The following NAALAD2 variants were observed in gnomAD, a reference collection of about 807,000 sequenced individuals.
NAALAD2 encodes the protein N-acetylated alpha-linked acidic dipeptidase 2, also known as N-acetylated-alpha-linked acidic dipeptidase 2.
In NAALAD2, 89 loss-of-function variants were observed where a neutral mutation model predicts 95.6. The ratio of observed to expected loss-of-function variants is 0.93; its 90% CI spans 0.78 to 1.11. NAALAD2 has a LOEUF of 1.11. Ranked by LOEUF, NAALAD2 falls within the 50% of genes least tolerant of loss-of-function variation. NAALAD2 has a pLI of 0.00. For missense variants in NAALAD2, 894 were observed against 872.4 expected (o/e 1.02, Z -0.31); for synonymous variants, 264 against 294.4 (o/e 0.90, Z 1.06).
intron 2 of NAALAD2, among the ~76,000 whole-genome samples, chr11:90,146,101 T>C (rs1951743698): frequency 6.6e-6 from 1 of 152,084 alleles, no homozygotes; most frequent in African/African-American, 2.4e-5. Context: ...TATGAGTAGA[T>C]TATTCAGTCA....
Position 90,152,230 on chromosome 11 carries a change from G to T in NAALAD2, c.610-68G>T, listed in dbSNP as rs540295863. On this transcript the variant is annotated intron_variant, in intron 5 of 18. Transcript: ENST00000534061. ...AATATCCTTCCATTATTAAATTAAT[G>T]TCTTTCTTATATGAATAAGCCAACC... The T allele has an allele frequency of 2.2e-6, 3 of 1,363,594 alleles. No homozygotes were observed. The Admixed American group carries it at 6.4e-5, about 29-fold the overall frequency. The allele number at this position is 1,363,594 out of a possible 1,614,324, so 84.5% of individuals were successfully genotyped here.
rs1591025543 is a variant in NAALAD2 at position 90,181,765 on chromosome 11, CTG to C, written c.1940+66_1940+67del. ...AAAGCAATCTGGTTACTAGAATGAA[CTG>C]TTTCACTCATATTAGCATTAACCTC... On this transcript the variant is annotated intron_variant, in intron 17 of 18. Coordinates refer to ENST00000534061, the MANE Select transcript of NAALAD2 (RefSeq NM_005467.4). 13 of 1,037,650 alleles carry C rather than the reference CTG, an allele frequency of 1.3e-5. 1 individual carries two copies. In the East Asian group the frequency reaches 3.2e-4, roughly 25 times the overall value. The allele number at this position is 1,037,650 out of a possible 1,614,324, so 64.3% of individuals were successfully genotyped here.
Position 90,185,493 on chromosome 11 carries a change from AGAC to A in NAALAD2, c.2033+2486_2033+2488del, listed in dbSNP as rs1857109601. On this transcript the variant is annotated intron_variant, in intron 18 of 18. Coordinates refer to ENST00000534061, the MANE Select transcript of NAALAD2 (RefSeq NM_005467.4). ...CAAGACCAGCCTGGGTAACACAGCG[AGAC>A]CCTGTTTCTACAAAAAATTTTTTAA... Among the ~76,000 whole-genome samples the A allele has an allele frequency of 2.0e-5, 3 of 152,098 alleles. No individual in the cohort carries two copies. The South Asian group carries it at 6.2e-4, about 32-fold the overall frequency.
chr11:90,189,368 T>C (rs1205523823), intron 18 of NAALAD2, among the ~76,000 whole-genome samples: 1 of 152,214 alleles, frequency 6.6e-6, no homozygotes, highest in East Asian at 1.9e-4. Context: ...GAACACACTC[T>C]GTAATGGAAT....
chr11:90,160,424 C>T (rs1226875175), intron 8 of NAALAD2, among the ~76,000 whole-genome samples: 1 of 152,152 alleles, frequency 6.6e-6, no homozygotes, highest in Non-Finnish European at 1.5e-5. Context: ...TCTTTGCTAA[C>T]AATTTACCCT....
chr11:90,143,381 C>G (rs946240532), intron 2 of NAALAD2, among the ~76,000 whole-genome samples: 2 of 152,100 alleles, frequency 1.3e-5, no homozygotes, highest in African/African-American at 4.8e-5. Flanking sequence ...TCCGCTAATA[C>G]ACATGAAGTT....
chr11:90,134,032 GT>G (rs1407132972), upstream of NAALAD2, among the ~76,000 whole-genome samples: 1 of 152,144 alleles, frequency 6.6e-6, no homozygotes, highest in African/African-American at 2.4e-5. Flanking sequence ...GGAAATTGGT[GT>G]CTGAGCTTTA....
chr11:90,155,486 TATATA>T (rs1182849746), intron 6 of NAALAD2, among the ~76,000 whole-genome samples: 5 of 114,118 alleles, frequency 4.4e-5, no homozygotes, highest in Non-Finnish European at 6.5e-5. Flanking sequence ...GTATATATTA[TATATA>T]ATATATTATA....
At chr11:90,135,944 T>C (rs1467855377) in intron 2 of NAALAD2, among the ~76,000 whole-genome samples, 1 of 152,166 alleles carries the variant, frequency 6.6e-6, no homozygotes, top group East Asian at 1.9e-4. Flanking sequence ...CTGAATGTTA[T>C]TCTTTGTTCA....
chr11:90,163,578 A>C lies in NAALAD2; in HGVS notation c.1239A>C (p.Ala413=). 1 of 1,614,124 alleles carries C rather than the reference A, an allele frequency of 6.2e-7. No individual in the cohort carries two copies. The highest frequency in any genetic ancestry group is 1.7e-5 in the Admixed American group (1 of 60,018). The change falls in exon 11 of 19, where the codon GCA becomes GCC. Residue 413 remains alanine, a synonymous_variant. Coordinates refer to ENST00000534061, the MANE Select transcript of NAALAD2 (RefSeq NM_005467.4). ...CTATCATTTTTGCCAGCTGGGATGC[A>C]GAAGAATTTGGACTTCTGGGTTCCA... The part of the protein sequence containing the change: ...RRTIIFASWD[A]EEFGLLGSTE...
chr11:90,146,368 TTTTTTTTTG>T (rs1305109556), intron 2 of NAALAD2, among the ~76,000 whole-genome samples: 5 of 116,486 alleles, frequency 4.3e-5, no homozygotes, highest in East Asian at 2.8e-4. Flanking sequence ...TTTTTTTTTT[TTTTTTTTTG>T]TGATGTAGTC....
At chr11:90,179,625 C>T (rs946721481) in intron 16 of NAALAD2, among the ~76,000 whole-genome samples, 1 of 151,878 alleles carries the variant, frequency 6.6e-6, no homozygotes, top group Non-Finnish European at 1.5e-5. Flanking sequence ...GAGATAAAAC[C>T]AGAGAAATAA....
At chr11:90,173,328 G>A (rs963448939) in intron 13 of NAALAD2, among the ~76,000 whole-genome samples, 1 of 152,078 alleles carries the variant, frequency 6.6e-6, no homozygotes, top group Non-Finnish European at 1.5e-5. Context: ...GCTAACCCCT[G>A]CCTGCCCTGC....
In NAALAD2 at chr11:90,175,952, G is replaced by GTGTGTGTGTC. The variant is rs778950906; in HGVS notation, c.1503-20_1503-19insTGTGTGTGTC. On this transcript the variant is annotated intron_variant, in intron 14 of 18. Coordinates refer to ENST00000534061, the MANE Select transcript of NAALAD2 (RefSeq NM_005467.4). ...TATGTGTGTGTGTGTGTGTGTGTGTGGATTGCATTCTACATCTAGAATCAA... is the reference window on the plus strand; with the variant it reads ...TATGTGTGTGTGTGTGTGTGTGTGTGTGTGTGTGTCGATTGCATTCTACATCTAGAATCAA... 44 of 1,436,668 alleles carry GTGTGTGTGTC rather than the reference G, an allele frequency of 3.1e-5. 1 individual carries two copies. The East Asian group carries it at 1.0e-3, about 33-fold the overall frequency. The allele number at this position is 1,436,668 out of a possible 1,614,324, so 89.0% of individuals were successfully genotyped here.
intron 8 of NAALAD2, among the ~76,000 whole-genome samples, chr11:90,161,742 C>T (rs949903827): frequency 6.6e-6 from 1 of 151,946 alleles, no homozygotes; most frequent in African/African-American, 2.4e-5. Flanking sequence ...TCATATGTTG[C>T]ATTTTTCTTT....
chr11:90,153,489 A>G (rs898046737), intron 6 of NAALAD2, among the ~76,000 whole-genome samples: 7 of 152,128 alleles, frequency 4.6e-5, no homozygotes, highest in Admixed American at 2.0e-4. Flanking sequence ...ACAGATGCAT[A>G]CAACTTCCAG....
intron 6 of NAALAD2, among the ~76,000 whole-genome samples, chr11:90,156,544 T>C (rs1952124084): frequency 1.3e-5 from 2 of 152,180 alleles, no homozygotes; most frequent in Non-Finnish European, 2.9e-5. Context: ...AGCACTACTT[T>C]AGCTGCATCC....
intron 8 of NAALAD2, among the ~76,000 whole-genome samples, chr11:90,161,484 G>C (rs1952297877): frequency 6.6e-6 from 1 of 152,096 alleles, no homozygotes. Flanking sequence ...AACCATTCTG[G>C]GTTCTGGGGA....
chr11:90,190,200 C>CACA (rs35556275), intron 18 of NAALAD2, among the ~76,000 whole-genome samples: 92,484 of 151,758 alleles, frequency 0.61, 29,788 homozygotes, highest in South Asian at 0.75. Flanking sequence ...ATTTGATTCT[C>CACA]ACAATTCTTT....
Sources: allele counts gnomAD v4.1 joint callset (sites outside exome capture counted in the v4.1 genomes callset), GRCh38; gene constraint gnomAD v4.1.1; transcripts MANE v1.5; gene names NCBI Gene and HGNC (gene_info 2026-07-23, HGNC 2026-07-21).